TSPAN5: variants seen among roughly 807,000 people sequenced by gnomAD.
TSPAN5 encodes tetraspanin-5.
TSPAN5 carries 10 observed loss-of-function variants against 37.1 expected under a neutral mutation model. That is an observed-to-expected ratio of 0.27 (90% confidence interval 0.17 to 0.46). The LOEUF is 0.46. Ranked by LOEUF, TSPAN5 falls within the 20% of genes least tolerant of loss-of-function variation. TSPAN5 has a pLI of 1.00. For synonymous variants in TSPAN5, 110 were observed against 118.9 expected (o/e 0.93, Z 0.48); for missense variants, 195 against 326.6 (o/e 0.60, Z 3.11).
At chr4:98,477,314 C>T (rs773554626) in intron 5 of TSPAN5, among the ~76,000 whole-genome samples, 4 of 152,154 alleles carry the variant, frequency 2.6e-5, no homozygotes, top group Non-Finnish European at 4.4e-5. Flanking sequence ...GGGCAGCTGG[C>T]GGGGCAGCAC....
intron 1 of TSPAN5, among the ~76,000 whole-genome samples, chr4:98,580,085 A>T (rs1032330027): frequency 6.6e-6 from 1 of 152,160 alleles, no homozygotes; most frequent in Non-Finnish European, 1.5e-5. Flanking sequence ...AACCTTCCAT[A>T]CTCATTAGTG....
intron 1 of TSPAN5, among the ~76,000 whole-genome samples, chr4:98,510,791 C>T (rs1753585939): frequency 6.6e-6 from 1 of 152,188 alleles, no homozygotes. Context: ...AATACCTAAG[C>T]AAGCAAGTGG....
chr4:98,555,970 C>T (rs1020359558), intron 1 of TSPAN5, among the ~76,000 whole-genome samples: 5 of 149,758 alleles, frequency 3.3e-5, no homozygotes, highest in Admixed American at 6.6e-5. Flanking sequence ...ACTCCACACA[C>T]GCGCGCGCAC....
intron 1 of TSPAN5, among the ~76,000 whole-genome samples, chr4:98,536,593 C>T (rs4699645): frequency 0.23 from 34,706 of 152,176 alleles, 4,141 homozygotes; most frequent in African/African-American, 0.27. Flanking sequence ...TGAAGCTGCG[C>T]CCATAGCCAC....
At chr4:98,473,925 G>A (rs981840805) in intron 7 of TSPAN5, among the ~76,000 whole-genome samples, 6 of 152,100 alleles carry the variant, frequency 3.9e-5, no homozygotes, top group Non-Finnish European at 8.8e-5. Context: ...ATGCCTGGCT[G>A]CCCATTTTTA....
chr4:98,551,492 C>CTTTTTT (rs35415457), intron 1 of TSPAN5, among the ~76,000 whole-genome samples: 2 of 92,240 alleles, frequency 2.2e-5, no homozygotes, highest in African/African-American at 8.3e-5. Flanking sequence ...TTTTTCTTTT[C>CTTTTTT]TTTTTTTTTT....
Position 98,583,840 on chromosome 4 carries a change from G to T in TSPAN5, c.81+74306C>A, listed in dbSNP as rs1755424819. 3.9e-5 allele frequency among the ~76,000 whole-genome samples: 6 copies of T among 152,308 alleles called. No individual in the cohort carries two copies. The South Asian group carries it at 1.2e-3, about 32-fold the overall frequency. ...AGGAGGAGACGTGGCTCCTGCACCT[G>T]TGATTGCTATTATTCATTGCTTCCC... On this transcript the variant is annotated intron_variant, in intron 1 of 7. Coordinates refer to ENST00000305798, the MANE Select transcript of TSPAN5 (RefSeq NM_005723.4).
At chr4:98,473,247 T>C (rs1247549400) in intron 7 of TSPAN5, among the ~76,000 whole-genome samples, 5 of 152,204 alleles carry the variant, frequency 3.3e-5, no homozygotes, top group Non-Finnish European at 5.9e-5. Flanking sequence ...TTTGAGAAAC[T>C]GCTAAATTGT....
At chr4:98,618,789 T>G (rs1159318877) in intron 1 of TSPAN5, among the ~76,000 whole-genome samples, 1 of 152,158 alleles carries the variant, frequency 6.6e-6, no homozygotes, top group Non-Finnish European at 1.5e-5. Context: ...CCTTCCATTT[T>G]AAGAGGTTCT....
intron 1 of TSPAN5, among the ~76,000 whole-genome samples, chr4:98,613,402 C>A (rs1420517621): frequency 1.3e-5 from 2 of 152,088 alleles, no homozygotes; most frequent in South Asian, 2.1e-4. Context: ...GTAATAAAAC[C>A]TACCCAGGAT....
intron 1 of TSPAN5, among the ~76,000 whole-genome samples, chr4:98,583,745 G>A (rs192136812): frequency 0.011 from 1,724 of 152,290 alleles, 15 homozygotes; most frequent in Non-Finnish European, 0.017. Context: ...GGTGATTTGG[G>A]AATAGCAACT....
Position 98,652,488 on chromosome 4 carries a change from C to T in TSPAN5, c.81+5658G>A, listed in dbSNP as rs566547912. 1.6e-3 allele frequency among the ~76,000 whole-genome samples: 239 copies of T among 152,164 alleles called. 2 individuals are homozygous for T. The highest frequency in any genetic ancestry group is 5.5e-3 in the African/African-American group (230 of 41,512). On this transcript the variant is annotated intron_variant, in intron 1 of 7. Transcript: ENST00000305798. ...CATATGCAAAAACTTTATCACTTTT[C>T]GATTATGAACAGATGTAAATGACTT...
chr4:98,609,487 C>T (rs77765535), intron 1 of TSPAN5, among the ~76,000 whole-genome samples: 8,909 of 152,210 alleles, frequency 0.059, 321 homozygotes, highest in South Asian at 0.18. Flanking sequence ...GTACAGGCAG[C>T]CCATTCTCTG....
rs1165047345 is a variant in TSPAN5, at chr4:98,475,733, T to TA, written c.741+455dup. Reference sequence around the variant, plus strand: ...GGCCAGGCACGGTGGATCACTCCTGTAATCCCAGCACTTTGGGAGGCCGAG... The same window carrying TA: ...GGCCAGGCACGGTGGATCACTCCTGTAAATCCCAGCACTTTGGGAGGCCGAG... On this transcript the variant is annotated intron_variant, in intron 7 of 7. Transcript: ENST00000305798. Among the ~76,000 whole-genome samples the TA allele has an allele frequency of 4.6e-5, 7 of 152,182 alleles. No individual in the cohort carries two copies. The East Asian group carries it at 1.2e-3, about 25-fold the overall frequency.
intron 1 of TSPAN5, among the ~76,000 whole-genome samples, chr4:98,584,133 G>A (rs748095361): frequency 6.6e-6 from 1 of 152,132 alleles, no homozygotes; most frequent in Non-Finnish European, 1.5e-5. Context: ...AAGAGATGCG[G>A]TCTTTCTTTG....
chr4:98,481,203 T>C (rs574891362), intron 4 of TSPAN5, among the ~76,000 whole-genome samples: 1 of 152,174 alleles, frequency 6.6e-6, no homozygotes, highest in African/African-American at 2.4e-5. Flanking sequence ...TGTCATAATA[T>C]CCCTGTGAGT....
chr4:98,566,673 T>C (rs1381341979), intron 1 of TSPAN5, among the ~76,000 whole-genome samples: 2 of 152,174 alleles, frequency 1.3e-5, no homozygotes, highest in African/African-American at 2.4e-5. Context: ...AAGAGGCTTT[T>C]ACACTGGAAG....
At chr4:98,474,824 C>A (rs1457313555) in intron 7 of TSPAN5, among the ~76,000 whole-genome samples, 1 of 152,196 alleles carries the variant, frequency 6.6e-6, no homozygotes, top group Non-Finnish European at 1.5e-5. Context: ...CAGGCATGTG[C>A]CATTACATTT....
intron 1 of TSPAN5, among the ~76,000 whole-genome samples, chr4:98,523,931 A>G (rs1423617963): frequency 2.0e-5 from 3 of 152,206 alleles, no homozygotes; most frequent in African/African-American, 7.2e-5. Context: ...TTTCTCTCCC[A>G]TAAATACAGA....
Sources: gnomAD v4.1 joint callset for allele counts (sites outside exome capture counted in the v4.1 genomes callset) on GRCh38, gnomAD v4.1.1 for gene constraint, MANE v1.5 for transcripts, NCBI Gene and HGNC (gene_info 2026-07-23, HGNC 2026-07-21) for gene names.